Variants in CBR4 observed in about 807,000 individuals in gnomAD.
The protein encoded by CBR4 is 3-oxoacyl-[acyl-carrier-protein] reductase.
In CBR4, 22 loss-of-function variants were observed where a neutral mutation model predicts 21.0. That is an observed-to-expected ratio of 1.05 (90% confidence interval 0.75 to 1.50). The LOEUF is 1.50. CBR4 is among the 40% of genes most tolerant of loss of function. The pLI, the probability that CBR4 is intolerant of heterozygous loss-of-function variation, is 0.00. For synonymous variants in CBR4, 100 were observed against 104.4 expected (o/e 0.96, Z 0.26); for missense variants, 302 against 286.3 (o/e 1.05, Z -0.40).
At chr4:168,972,517 T>C (rs1764241884) in intron 2 of CBR4, among the ~76,000 whole-genome samples, 1 of 152,262 alleles carries the variant, frequency 6.6e-6, no homozygotes, top group African/African-American at 2.4e-5. Flanking sequence ...GGTATATTCC[T>C]AAATATTTTA....
chr4:168,948,650 C>T (rs1763459306), intron 2 of CBR4, among the ~76,000 whole-genome samples: 1 of 152,074 alleles, frequency 6.6e-6, no homozygotes, highest in African/African-American at 2.4e-5. Context: ...TTTTTGTGTG[C>T]TTTGTCGAAG....
At chr4:168,933,775 C>T (rs1045107910) in intron 2 of CBR4, among the ~76,000 whole-genome samples, 1 of 151,980 alleles carries the variant, frequency 6.6e-6, no homozygotes, top group African/African-American at 2.4e-5. Context: ...ACAAACCAAG[C>T]TCAAAAAATT....
At chr4:168,966,783 C>T (rs1206943641) in intron 2 of CBR4, among the ~76,000 whole-genome samples, 2 of 152,122 alleles carry the variant, frequency 1.3e-5, no homozygotes, top group African/African-American at 2.4e-5. Context: ...CTTTGGGAGG[C>T]CGAGGCGGGC....
intron 2 of CBR4, among the ~76,000 whole-genome samples, chr4:168,918,412 T>A (rs943800000): frequency 6.6e-6 from 1 of 151,890 alleles, no homozygotes; most frequent in African/African-American, 2.4e-5. Flanking sequence ...GAGGACATAA[T>A]GTTAAGTGAA....
At chr4:168,951,465 T>C (rs1344212797) in intron 2 of CBR4, among the ~76,000 whole-genome samples, 32 of 152,162 alleles carry the variant, frequency 2.1e-4, no homozygotes, top group Admixed American at 2.0e-3. Context: ...TGTACTGTGG[T>C]TTTTTGTTTT....
chr4:169,003,226 T>A (rs1324966549), intron 3 of CBR4, among the ~76,000 whole-genome samples: 1 of 152,242 alleles, frequency 6.6e-6, no homozygotes, highest in African/African-American at 2.4e-5. Context: ...CACCGTTCTA[T>A]ATGCCATTCA....
intron 2 of CBR4, among the ~76,000 whole-genome samples, chr4:168,971,436 A>ATTTTTTTTTTTTT (rs70961566): frequency 9.1e-4 from 104 of 114,038 alleles, no homozygotes; most frequent in African/African-American, 1.6e-3. Context: ...TGCCCAGCTC[A>ATTTTTTTTTTTTT]TTTTTTTTTT....
At chr4:168,970,860 C>A (rs896716634) in intron 2 of CBR4, among the ~76,000 whole-genome samples, 1 of 151,364 alleles carries the variant, frequency 6.6e-6, no homozygotes, top group Non-Finnish European at 1.5e-5. Flanking sequence ...ACCACATTTT[C>A]TTCATCTACT....
chr4:169,007,540 G>T, intron 2 of CBR4, 96 bp downstream of exon 2: 1 of 713,502 alleles, frequency 1.4e-6, no homozygotes, highest in Non-Finnish European at 2.0e-6. Flanking sequence ...CCAGTTAGAA[G>T]CAAAATAAAC....
rs1731272021 is a variant in CBR4, at chr4:169,009,931, T to C, written c.142+17A>G. 4.4e-6 allele frequency: 7 copies of C among 1,606,134 alleles called. No individual in the cohort carries two copies. The highest frequency in any genetic ancestry group is 5.9e-6 in the Non-Finnish European group (7 of 1,176,748). On this transcript the variant is annotated intron_variant, in intron 1 of 4. Coordinates refer to ENST00000306193, the MANE Select transcript of CBR4 (RefSeq NM_032783.5). The stretch of plus-strand genomic sequence containing the variant: ...GACCGCGGCCATACAACTGGACAAC[T>C]CCAGTTTGGTACCTACCGCCGAGGT...
chr4:168,904,583 G>A (rs1460011567), intron 2 of CBR4, among the ~76,000 whole-genome samples: 1 of 151,966 alleles, frequency 6.6e-6, no homozygotes, highest in African/African-American at 2.4e-5. Flanking sequence ...ATACAAAAAT[G>A]AGTAAAAAGT....
At chr4:168,972,134 G>C (rs1764230059) in intron 2 of CBR4, among the ~76,000 whole-genome samples, 1 of 152,128 alleles carries the variant, frequency 6.6e-6, no homozygotes, top group East Asian at 1.9e-4. Flanking sequence ...TCTCTATTCT[G>C]TTCCATTGGT....
chr4:168,987,252 A>C (rs1335606512), downstream of CBR4, among the ~76,000 whole-genome samples: 1 of 152,236 alleles, frequency 6.6e-6, no homozygotes, highest in Non-Finnish European at 1.5e-5. Context: ...AGTCGCATAA[A>C]AAGCCAAAGG....
At chr4:168,995,211 T>C (rs1050024240) in intron 4 of CBR4, among the ~76,000 whole-genome samples, 4 of 152,212 alleles carry the variant, frequency 2.6e-5, no homozygotes, top group African/African-American at 7.2e-5. Flanking sequence ...GAGGTTAGAA[T>C]ACTTCCAATT....
intron 2 of CBR4, among the ~76,000 whole-genome samples, chr4:168,980,676 T>C (rs535288793): frequency 1.3e-5 from 2 of 152,226 alleles, no homozygotes; most frequent in Non-Finnish European, 2.9e-5. Flanking sequence ...ATGGAGGTTG[T>C]GGTAAACTGA....
At chr4:168,981,652 A>G (rs1764550505) in intron 2 of CBR4, among the ~76,000 whole-genome samples, 1 of 152,168 alleles carries the variant, frequency 6.6e-6, no homozygotes, top group Non-Finnish European at 1.5e-5. Flanking sequence ...ACTCATTAGC[A>G]TCCCTGAAAG....
At chr4:169,001,857 T>G (rs971586826) in intron 4 of CBR4, 2 of 331,714 alleles carry the variant, frequency 6.0e-6, no homozygotes, top group African/African-American at 4.3e-5. Flanking sequence ...CCTCAGACAG[T>G]CCTTTAGAGC....
intron 2 of CBR4, among the ~76,000 whole-genome samples, chr4:168,963,560 T>A (rs1427662729): frequency 6.6e-6 from 1 of 151,252 alleles, no homozygotes; most frequent in Non-Finnish European, 1.5e-5. Flanking sequence ...AACCTTCGCC[T>A]ACTGGGTTCA....
chr4:169,009,972 T>C lies in CBR4; in HGVS notation c.118A>G (p.Lys40Glu). The change falls in exon 1 of 5, where the codon AAA becomes GAA. Residue 40 changes from lysine to glutamate, a missense_variant. Physicochemically the swap from Lys to Glu is moderately conservative, Grantham distance 56. Coordinates refer to ENST00000306193, the MANE Select transcript of CBR4 (RefSeq NM_032783.5). ...CCGCCGAGGTCACCGGCGGCGGCTT[T>C]GGCCCCTTCCAGGTTTCTGGCAATG... is the stretch of plus-strand genomic sequence containing the variant. ...AVIARNLEGAKAAAGDLGGDH... is the reference protein window; with the variant it reads ...AVIARNLEGAEAAAGDLGGDH... The C allele has an allele frequency of 6.2e-7, 1 of 1,612,680 alleles. No homozygotes were observed. Among genetic ancestry groups the C allele is most frequent in the Non-Finnish European group, 8.5e-7 (1 of 1,179,574 alleles).
Sources: allele counts gnomAD v4.1 joint callset (sites outside exome capture counted in the v4.1 genomes callset), GRCh38; gene constraint gnomAD v4.1.1; transcripts MANE v1.5; gene names NCBI Gene and HGNC (gene_info 2026-07-23, HGNC 2026-07-21).